MSI2: variants seen among roughly 807,000 people sequenced by gnomAD.
The protein encoded by MSI2 is RNA-binding protein Musashi homolog 2.
Under a neutral mutation model 45.6 loss-of-function variants are expected in MSI2, and 17 were observed. The observed-to-expected ratio is 0.37, with a 90% CI of 0.26 to 0.56. The LOEUF (loss-of-function observed/expected upper bound fraction) is 0.56, where lower values mean the gene tolerates loss of function less well. MSI2 is among the 20% of genes least tolerant of loss of function. The pLI is 0.77. For missense variants in MSI2, 293 were observed against 444.2 expected (o/e 0.66, Z 3.06); for synonymous variants, 156 against 158.2 (o/e 0.99, Z 0.11).
chr17:57,445,682 G>A (rs1236145954), intron 6 of MSI2, among the ~76,000 whole-genome samples: 1 of 152,136 alleles, frequency 6.6e-6, no homozygotes, highest in Non-Finnish European at 1.5e-5. Context: ...AAATTACAGT[G>A]TTTATAAGCC....
At chr17:57,405,627 A>G (rs928027556) in intron 6 of MSI2, among the ~76,000 whole-genome samples, 5 of 152,164 alleles carry the variant, frequency 3.3e-5, no homozygotes, top group Admixed American at 1.3e-4. Flanking sequence ...CAGTGAAGGG[A>G]TTCTTTATTT....
At chr17:57,326,261 G>A (rs899416245) in intron 5 of MSI2, among the ~76,000 whole-genome samples, 1 of 151,962 alleles carries the variant, frequency 6.6e-6, no homozygotes, top group Non-Finnish European at 1.5e-5. Context: ...CAGACACTTG[G>A]TAGTATTTCT....
At chr17:57,408,927 G>A (rs773192029) in intron 6 of MSI2, among the ~76,000 whole-genome samples, 4 of 150,836 alleles carry the variant, frequency 2.7e-5, no homozygotes, top group Non-Finnish European at 5.9e-5. Flanking sequence ...CACAGGTCCT[G>A]TATGCTTTTC....
chr17:57,647,977 G>C (rs1910815864), intron 10 of MSI2, among the ~76,000 whole-genome samples: 1 of 144,928 alleles, frequency 6.9e-6, no homozygotes, highest in Non-Finnish European at 1.5e-5. Context: ...TTGTTTGTTT[G>C]TTTGAGACAG....
At chr17:57,379,481 CTTTT>C (rs78899938) in intron 5 of MSI2, among the ~76,000 whole-genome samples, 2 of 134,784 alleles carry the variant, frequency 1.5e-5, no homozygotes, top group South Asian at 2.4e-4. Context: ...TTTCTTTCTT[CTTTT>C]TTTTTTTTTT....
chr17:57,592,306 A>T (rs1039228786), intron 7 of MSI2, among the ~76,000 whole-genome samples: 2 of 151,966 alleles, frequency 1.3e-5, no homozygotes, highest in Non-Finnish European at 2.9e-5. Context: ...CAAATTTCTG[A>T]CCCCATTGTT....
intron 6 of MSI2, among the ~76,000 whole-genome samples, chr17:57,436,219 T>C (rs2143424677): frequency 6.6e-6 from 1 of 152,180 alleles, no homozygotes; most frequent in East Asian, 1.9e-4. Context: ...CCTCACTGAG[T>C]CTCTCAATAT....
intron 5 of MSI2, among the ~76,000 whole-genome samples, chr17:57,339,443 T>TC (rs1374971504): frequency 6.6e-6 from 1 of 152,132 alleles, no homozygotes; most frequent in African/African-American, 2.4e-5. Context: ...CGTGATGCTT[T>TC]CTCTTCTGGT....
chr17:57,575,155 C>CA lies in MSI2; in HGVS notation c.455-21713_455-21712insA, dbSNP rs1395188965. The stretch of plus-strand genomic sequence containing the variant: ...GCATTCTCTTTTTTAACTCCCTCCC[C>CA]CCGCCACCCCCCGGCTGGAGCAGAT... On this transcript the variant is annotated intron_variant, in intron 7 of 13. Coordinates refer to ENST00000284073, the MANE Select transcript of MSI2 (RefSeq NM_138962.4). 6.4e-5 allele frequency among the ~76,000 whole-genome samples: 9 copies of CA among 141,166 alleles called. No homozygotes were observed. The South Asian group carries it at 7.5e-4, about 12-fold the overall frequency. 92.6% of individuals were successfully genotyped at this position (141,166 alleles called of 152,430 possible).
intron 5 of MSI2, among the ~76,000 whole-genome samples, chr17:57,318,660 A>G (rs1449167666): frequency 6.7e-6 from 1 of 150,140 alleles, no homozygotes; most frequent in Non-Finnish European, 1.5e-5. Flanking sequence ...GTGGGGGCGG[A>G]GGGTCCCGGG....
At chr17:57,416,902 G>T (rs552604244) in intron 6 of MSI2, among the ~76,000 whole-genome samples, 2 of 152,320 alleles carry the variant, frequency 1.3e-5, no homozygotes, top group African/African-American at 4.8e-5. Flanking sequence ...TTGCATTCAG[G>T]AACCCAAGCT....
At chr17:57,638,974 G>T (rs1910043318) in intron 10 of MSI2, among the ~76,000 whole-genome samples, 1 of 152,200 alleles carries the variant, frequency 6.6e-6, no homozygotes, top group Non-Finnish European at 1.5e-5. Context: ...GGTACCAGCA[G>T]ATTGGACATC....
intron 6 of MSI2, among the ~76,000 whole-genome samples, chr17:57,502,636 T>TATATATATATATATATAGAG: frequency 2.1e-5 from 2 of 96,904 alleles, no homozygotes; most frequent in Non-Finnish European, 2.1e-5. Context: ...TATATATATA[T>TATATATATATATATATAGAG]AGTCATCATT....
Position 57,390,962 on chromosome 17 carries a change from G to A in MSI2, c.313-10417G>A, listed in dbSNP as rs79629283. The stretch of plus-strand genomic sequence containing the variant: ...CAGAGGTTCCCCAAGATGATAGATC[G>A]GGGGTGGCTATTTACTTCTGTTTAC... On this transcript the variant is annotated intron_variant, in intron 5 of 13. Coordinates refer to ENST00000284073, the MANE Select transcript of MSI2 (RefSeq NM_138962.4). Among the ~76,000 whole-genome samples, 763 of 152,278 alleles carry A rather than the reference G, an allele frequency of 5.0e-3. 6 individuals are homozygous for A. The highest frequency in any genetic ancestry group is 0.017 in the African/African-American group (686 of 41,544).
At chr17:57,669,297 A>G (rs1233748445) in intron 11 of MSI2, among the ~76,000 whole-genome samples, 1 of 152,194 alleles carries the variant, frequency 6.6e-6, no homozygotes, top group Non-Finnish European at 1.5e-5. Flanking sequence ...CCCTCCAGTA[A>G]AGAGTGGCTG....
At chr17:57,586,319 T>C (rs1172223915) in intron 7 of MSI2, among the ~76,000 whole-genome samples, 2 of 152,146 alleles carry the variant, frequency 1.3e-5, no homozygotes, top group Non-Finnish European at 2.9e-5. Context: ...ATTTCTCTCT[T>C]AGAAAAATGG....
rs1905803245 is a variant in MSI2 at position 57,600,929 on chromosome 17, G to A, written c.537+3979G>A. On this transcript the variant is annotated intron_variant, in intron 8 of 13. Coordinates refer to ENST00000284073, the MANE Select transcript of MSI2 (RefSeq NM_138962.4). ...AGATTGGCAAGGCAAGGCAGAGAGAGGTTAAGCAGTTTGCCCAAGGTCACA... is the reference window on the plus strand; with the variant it reads ...AGATTGGCAAGGCAAGGCAGAGAGAAGTTAAGCAGTTTGCCCAAGGTCACA... 3 of 152,284 alleles carry A rather than the reference G, an allele frequency of 2.0e-5. No individual in the cohort carries two copies. The South Asian group carries it at 6.2e-4, about 32-fold the overall frequency. The allele number at this position is 152,284 out of a possible 1,614,324, so 9.4% of individuals were successfully genotyped here.
At chr17:57,387,279 G>T (rs549776646) in intron 5 of MSI2, among the ~76,000 whole-genome samples, 1 of 152,200 alleles carries the variant, frequency 6.6e-6, no homozygotes, top group Non-Finnish European at 1.5e-5. Flanking sequence ...GTTCCTGGCG[G>T]ACTGAGTTCT....
chr17:57,427,273 C>G (rs2084510522), intron 6 of MSI2, among the ~76,000 whole-genome samples: 2 of 152,192 alleles, frequency 1.3e-5, no homozygotes, highest in South Asian at 4.2e-4. Context: ...TGATGCATGC[C>G]TGTAATCCCA....
Sources: gnomAD v4.1 joint callset for allele counts (sites outside exome capture counted in the v4.1 genomes callset) on GRCh38, gnomAD v4.1.1 for gene constraint, MANE v1.5 for transcripts, NCBI Gene and HGNC (gene_info 2026-07-23, HGNC 2026-07-21) for gene names.